RIMS2: variants seen among roughly 807,000 people sequenced by gnomAD.
RIMS2 encodes regulating synaptic membrane exocytosis protein 2.
RIMS2 carries 59 observed loss-of-function variants against 174.4 expected under a neutral mutation model. That is an observed-to-expected ratio of 0.34 (90% CI 0.27 to 0.42). RIMS2 has a LOEUF of 0.42. Ranked by LOEUF, RIMS2 falls within the 10% of genes least tolerant of loss-of-function variation. The pLI, the probability that RIMS2 is intolerant of heterozygous loss-of-function variation, is 1.00. For synonymous variants in RIMS2, 606 were observed against 572.5 expected (o/e 1.06, Z -0.84); for missense variants, 1,620 against 1,666.3 (o/e 0.97, Z 0.48).
chr8:103,928,863 T>C (rs1047253143), intron 11 of RIMS2, among the ~76,000 whole-genome samples: 4 of 151,452 alleles, frequency 2.6e-5, no homozygotes, highest in Non-Finnish European at 3.0e-5. Flanking sequence ...GAAGATATGT[T>C]TGTTATATTT....
Position 104,186,681 on chromosome 8 carries a change from T to C in RIMS2, c.3335-58235T>C, listed in dbSNP as rs58676638. Among the ~76,000 whole-genome samples the C allele has an allele frequency of 5.2e-3, 784 of 151,870 alleles. 9 individuals carry two copies. The highest frequency in any genetic ancestry group is 0.018 in the African/African-American group (746 of 41,506). On this transcript the variant is annotated intron_variant, in intron 19 of 23. Transcript: ENST00000504942. ...TTCCATATTAATGCCTTCCGCTAAT[T>C]AAATCCTTTTGTCCTTTTAGGCCTC...
chr8:103,910,363 T>G, intron 5 of RIMS2: 1 of 1,598,772 alleles, frequency 6.3e-7, no homozygotes, highest in Non-Finnish European at 8.5e-7. Flanking sequence ...GAGCAGGCAG[T>G]TTTGTCGGAC....
At chr8:103,543,968 C>G (rs189167601) in intron 1 of RIMS2, among the ~76,000 whole-genome samples, 1 of 152,130 alleles carries the variant, frequency 6.6e-6, no homozygotes, top group Admixed American at 6.5e-5. Flanking sequence ...CAAAAGTAGA[C>G]AAATGGAATT....
rs780434564 is a variant in RIMS2 at position 103,501,073 on chromosome 8, G to T, written c.176+11G>T. ...GCAGTCCGTGCTCAAGTAAGGACCT[G>T]GCTCCATATTCCCGCCTCTCTCCCT... On this transcript the variant is annotated intron_variant, in intron 1 of 23. Coordinates refer to ENST00000504942, the Ensembl canonical transcript of RIMS2. 1.1e-5 allele frequency: 17 copies of T among 1,556,436 alleles called. No individual in the cohort carries two copies. The highest frequency in any genetic ancestry group is 9.1e-5 in the Admixed American group (5 of 55,162).
intron 14 of RIMS2, among the ~76,000 whole-genome samples, chr8:103,948,371 C>T (rs1055444131): frequency 3.3e-5 from 5 of 152,142 alleles, no homozygotes; most frequent in African/African-American, 4.8e-5. Context: ...AAGACTTGTA[C>T]GTGAATGTTC....
intron 19 of RIMS2, among the ~76,000 whole-genome samples, chr8:104,035,008 T>C (rs543440761): frequency 1.3e-5 from 2 of 152,294 alleles, no homozygotes; most frequent in African/African-American, 4.8e-5. Flanking sequence ...GCTTAATGAA[T>C]GTTTTGGAAG....
chr8:104,171,554 TA>T (rs1178602154), intron 19 of RIMS2, among the ~76,000 whole-genome samples: 8 of 152,006 alleles, frequency 5.3e-5, no homozygotes, highest in Non-Finnish European at 1.2e-4. Flanking sequence ...CCTGGATTTT[TA>T]AAAAATTTCT....
chr8:103,786,212 A>G (rs151321505), intron 3 of RIMS2, among the ~76,000 whole-genome samples: 23,830 of 152,002 alleles, frequency 0.16, 1,958 homozygotes, highest in Middle Eastern at 0.24. Flanking sequence ...TGATCCTTTC[A>G]AAAAACCAGC....
chr8:104,168,408 T>C (rs992577625), intron 19 of RIMS2, among the ~76,000 whole-genome samples: 7 of 152,154 alleles, frequency 4.6e-5, no homozygotes, highest in African/African-American at 1.7e-4. Flanking sequence ...CTAAGTATTT[T>C]ATTTTCTTTT....
intron 2 of RIMS2, among the ~76,000 whole-genome samples, chr8:103,732,603 C>A (rs1369984423): frequency 2.0e-5 from 3 of 152,052 alleles, no homozygotes; most frequent in Non-Finnish European, 4.4e-5. Context: ...GAGTTGGGAA[C>A]CCTTGAAATC....
At chr8:103,815,293 CAATTT>C (rs1311437359) in intron 3 of RIMS2, among the ~76,000 whole-genome samples, 6 of 152,088 alleles carry the variant, frequency 3.9e-5, no homozygotes, top group Non-Finnish European at 7.4e-5. Flanking sequence ...AATATTTTGC[CAATTT>C]AATAGGCAAA....
chr8:103,622,056 T>C (rs570489561), intron 1 of RIMS2, among the ~76,000 whole-genome samples: 1 of 152,252 alleles, frequency 6.6e-6, no homozygotes, highest in Non-Finnish European at 1.5e-5. Context: ...CATTAATTTC[T>C]AGAGATTTGT....
chr8:103,668,177 C>A (rs538949643), intron 1 of RIMS2, among the ~76,000 whole-genome samples: 1 of 152,256 alleles, frequency 6.6e-6, no homozygotes, highest in African/African-American at 2.4e-5. Flanking sequence ...TTATATTTTC[C>A]TCTGGAACTA....
intron 19 of RIMS2, among the ~76,000 whole-genome samples, chr8:104,137,868 C>G (rs1314858674): frequency 6.6e-6 from 1 of 152,114 alleles, no homozygotes; most frequent in Non-Finnish European, 1.5e-5. Context: ...CTTTCAAATA[C>G]TAGATATTGT....
intron 2 of RIMS2, among the ~76,000 whole-genome samples, chr8:103,758,113 A>G (rs539133183): frequency 6.6e-6 from 1 of 152,226 alleles, no homozygotes; most frequent in African/African-American, 2.4e-5. Flanking sequence ...TAAGTTTTAG[A>G]TAGCTATCTA....
intron 15 of RIMS2, among the ~76,000 whole-genome samples, chr8:103,970,018 G>A (rs2092682756): frequency 1.3e-5 from 2 of 152,196 alleles, no homozygotes; most frequent in South Asian, 4.1e-4. Context: ...CCAAAATGCT[G>A]AGATTACAGG....
At chr8:103,639,815 G>A (rs534404362) in intron 1 of RIMS2, among the ~76,000 whole-genome samples, 3 of 151,766 alleles carry the variant, frequency 2.0e-5, no homozygotes, top group East Asian at 3.9e-4. Context: ...CTAGAAAGTG[G>A]GATTGCTAGG....
At chr8:104,090,338 A>G (rs1358572945) in intron 19 of RIMS2, among the ~76,000 whole-genome samples, 2 of 151,758 alleles carry the variant, frequency 1.3e-5, no homozygotes, top group African/African-American at 4.8e-5. Flanking sequence ...GTCTTTTAAA[A>G]ACTAAACAAA....
chr8:103,915,844 T>C (rs1407346271), intron 7 of RIMS2, among the ~76,000 whole-genome samples: 2 of 152,016 alleles, frequency 1.3e-5, no homozygotes, highest in Non-Finnish European at 2.9e-5. Flanking sequence ...TAACCTGTTT[T>C]GTTTCCCCTA....
Sources: gnomAD v4.1 joint callset for allele counts (sites outside exome capture counted in the v4.1 genomes callset) on GRCh38, gnomAD v4.1.1 for gene constraint, MANE v1.5 for transcripts, NCBI Gene and HGNC (gene_info 2026-07-23, HGNC 2026-07-21) for gene names.